The following ITGB2 variants were observed in gnomAD, a reference collection of about 807,000 sequenced individuals.
ITGB2 encodes the protein integrin beta-2.
In ITGB2, 56 loss-of-function variants were observed where a neutral mutation model predicts 86.8. That is an observed-to-expected ratio of 0.65 (90% confidence interval 0.52 to 0.81). The LOEUF is 0.81. Among genes scored for constraint, ITGB2 ranks in the 30% least tolerant of loss-of-function variants. ITGB2 has a pLI of 0.00. For missense variants in ITGB2, 948 were observed against 1,061.2 expected (o/e 0.89, Z 1.48); for synonymous variants, 457 against 450.4 (o/e 1.01, Z -0.19).
At position 44,917,491 on chromosome 21, in the gene ITGB2, G is replaced by A. The variant is rs534797636; in HGVS notation, c.-4+3330C>T. Reference sequence around the variant, plus strand: ...CGAATTATGCTGAAATTGCTCCTTCGGATTCCAAAGCTACTGGCTTTCTTG... The same window carrying A: ...CGAATTATGCTGAAATTGCTCCTTCAGATTCCAAAGCTACTGGCTTTCTTG... On this transcript the variant is annotated intron_variant, in intron 1 of 15. Coordinates refer to ENST00000652462, the MANE Select transcript of ITGB2 (RefSeq NM_000211.5). 2.1e-4 allele frequency among the ~76,000 whole-genome samples: 32 copies of A among 152,274 alleles called. 1 individual carries two copies. In the South Asian group the frequency reaches 3.3e-3, roughly 16 times the overall value.
chr21:44,888,644 C>G lies in ITGB2; in HGVS notation c.2080+49G>C, dbSNP rs376621955. On this transcript the variant is annotated intron_variant, in intron 14 of 15. Transcript: ENST00000652462. ...ACCACCCTCGCCTCTGCGGAGACCC[C>G]GCAGCCGGAGCTCTGGAGCCGGTCC... The G allele has an allele frequency of 1.8e-5, 29 of 1,588,566 alleles. No homozygotes were observed. In the East Asian group the frequency reaches 4.9e-4, roughly 27 times the overall value.
In ITGB2 at chr21:44,900,490, T is replaced by TG. The variant is rs760281688; in HGVS notation, c.742-16dup. On this transcript the variant is annotated splice_polypyrimidine_tract_variant and intron_variant, in intron 6 of 15. Coordinates refer to ENST00000652462, the MANE Select transcript of ITGB2 (RefSeq NM_000211.5). The stretch of plus-strand genomic sequence containing the variant: ...CCGATTTCCTCCTGAGAAGAAGGCG[T>TG]GGGGGGCAGGGTTACCTGCCTCAGT... 4.3e-6 allele frequency: 7 copies of TG among 1,613,036 alleles called. No individual in the cohort carries two copies. In the Admixed American group the frequency reaches 5.0e-5, roughly 12 times the overall value.
At chr21:44,905,075 G>A (rs951920059) in intron 4 of ITGB2, among the ~76,000 whole-genome samples, 3 of 152,188 alleles carry the variant, frequency 2.0e-5, no homozygotes, top group African/African-American at 4.8e-5. Context: ...ATGTCCCCAC[G>A]AGCAATGTGG....
In ITGB2 at chr21:44,886,145, C is replaced by A; in HGVS notation, c.*223G>T. ...TAACCTCACCAACCTCAAGCCCTCCCTCCTCAAGTCTCCATGCAAAGACTG... is the reference window on the plus strand; with the variant it reads ...TAACCTCACCAACCTCAAGCCCTCCATCCTCAAGTCTCCATGCAAAGACTG... On this transcript the variant is annotated 3_prime_UTR_variant, in exon 16 of 16. Transcript: ENST00000652462. The A allele has an allele frequency of 1.7e-6, 1 of 596,150 alleles. No individual in the cohort carries two copies. The highest frequency in any genetic ancestry group is 2.9e-5 in the East Asian group (1 of 34,876). The allele number at this position is 596,150 out of a possible 1,614,324, so 36.9% of individuals were successfully genotyped here.
At chr21:44,916,138 G>A (rs542083794) in intron 1 of ITGB2, among the ~76,000 whole-genome samples, 1 of 152,232 alleles carries the variant, frequency 6.6e-6, no homozygotes, top group Admixed American at 6.5e-5. Context: ...GGCCAGGCTG[G>A]TCTCGAACTC....
chr21:44,894,959 C>G lies in ITGB2; in HGVS notation c.1083+12G>C, dbSNP rs200011031. ...CCCCATGGGTCCCAGCTGAGTGGTG[C>G]GGGAGACTCACATTGTAAGCATTCT... On this transcript the variant is annotated intron_variant, in intron 9 of 15. Transcript: ENST00000652462. 6 of 1,565,854 alleles carry G rather than the reference C, an allele frequency of 3.8e-6. No individual in the cohort carries two copies. Among genetic ancestry groups the G allele is most frequent in the Non-Finnish European group, 5.3e-6 (6 of 1,136,274 alleles).
intron 1 of ITGB2, among the ~76,000 whole-genome samples, chr21:44,919,020 G>GCTGAGCGTCCCCCTCTCCCA (rs58007154): frequency 6.7e-6 from 1 of 149,600 alleles, no homozygotes; most frequent in African/African-American, 2.5e-5. Context: ...AGCACTCGGA[G>GCTGAGCGTCCCCCTCTCCCA]GCACCTGCAG....
upstream of ITGB2, among the ~76,000 whole-genome samples, chr21:44,925,334 G>A (rs114088581): frequency 6.6e-6 from 1 of 150,436 alleles, no homozygotes; most frequent in East Asian, 2.0e-4. Flanking sequence ...GCTATGGTGA[G>A]CCAAGATCAC....
Position 44,903,672 on chromosome 21 carries a change from G to A in ITGB2, c.329-137C>T, listed in dbSNP as rs551489583. The stretch of plus-strand genomic sequence containing the variant: ...AATCCTCCTGACCTCCCCTCTCCCC[G>A]CCTGGCAGGAGAGCTGAGGACCAGA... On this transcript the variant is annotated intron_variant, in intron 4 of 15. Transcript: ENST00000652462. The A allele has an allele frequency of 3.7e-4, 358 of 980,294 alleles. 1 individual carries two copies. The highest frequency in any genetic ancestry group is 1.1e-3 in the Admixed American group (57 of 49,672). 60.7% of individuals were successfully genotyped at this position (980,294 alleles called of 1,614,324 possible).
intron 1 of ITGB2, chr21:44,914,408 G>A (rs1475963158): frequency 2.6e-5 from 4 of 152,390 alleles, no homozygotes; most frequent in Admixed American, 2.0e-4. Flanking sequence ...CCAGGGGGAC[G>A]AGGTCATCCT....
In ITGB2 at chr21:44,915,831, C is replaced by T. The variant is rs943368830; in HGVS notation, c.-4+4990G>A. Among the ~76,000 whole-genome samples the T allele has an allele frequency of 4.6e-5, 7 of 152,180 alleles. No individual in the cohort carries two copies. In the South Asian group the frequency reaches 8.3e-4, roughly 18 times the overall value. On this transcript the variant is annotated intron_variant, in intron 1 of 15. Coordinates refer to ENST00000652462, the MANE Select transcript of ITGB2 (RefSeq NM_000211.5). Reference sequence around the variant, plus strand: ...CCAGCCCATGTCGCCTCTGAACCTGCGACCCTGCAAAAGCGTATTTTCCCA... The same window carrying T: ...CCAGCCCATGTCGCCTCTGAACCTGTGACCCTGCAAAAGCGTATTTTCCCA...
intron 9 of ITGB2, 101 bp downstream of exon 9, chr21:44,894,869 CT>C: frequency 1.1e-6 from 1 of 877,424 alleles, no homozygotes; most frequent in Non-Finnish European, 1.9e-6. Context: ...AGGGGCTTTC[CT>C]CCCAGACCAC....
rs5030627 is a variant in ITGB2, at chr21:44,903,345, CT to C, written c.499+19del. On this transcript the variant is annotated intron_variant, in intron 5 of 15. Coordinates refer to ENST00000652462, the MANE Select transcript of ITGB2 (RefSeq NM_000211.5). Reference sequence around the variant, plus strand: ...GTCTGGGAAAGGACTGGGTTTTGTCCTGCAGTGCCTGGGCCTCACCAATGCG... The same window carrying C: ...GTCTGGGAAAGGACTGGGTTTTGTCCGCAGTGCCTGGGCCTCACCAATGCG... 348 of 1,613,830 alleles carry C rather than the reference CT, an allele frequency of 2.2e-4. No homozygotes were observed. Among genetic ancestry groups the C allele is most frequent in the Non-Finnish European group, 2.7e-4 (324 of 1,179,910 alleles).
intron 8 of ITGB2, among the ~76,000 whole-genome samples, chr21:44,897,125 G>A (rs2083881488): frequency 6.6e-6 from 1 of 152,172 alleles, no homozygotes; most frequent in Admixed American, 6.5e-5. Context: ...CCCATCCCGT[G>A]TCTCCCGCAG....
In ITGB2 at chr21:44,897,037, C is replaced by T. The variant is rs569877761; in HGVS notation, c.994-1977G>A. ...TCTCTGTGGATGTCCGGCCCCAGCC[C>T]TGCCCTGCGCTGACCCACTGTCCCG... On this transcript the variant is annotated intron_variant, in intron 8 of 15. Coordinates refer to ENST00000652462, the MANE Select transcript of ITGB2 (RefSeq NM_000211.5). 2.6e-5 allele frequency among the ~76,000 whole-genome samples: 4 copies of T among 152,298 alleles called. No homozygotes were observed. In the South Asian group the frequency reaches 8.3e-4, roughly 32 times the overall value.
rs766553482 is a variant in ITGB2, at chr21:44,899,127, C to T, written c.933G>A (p.Leu311=). The T allele has an allele frequency of 1.9e-6, 3 of 1,614,200 alleles. No homozygotes were observed. In the South Asian group the frequency reaches 3.3e-5, roughly 18 times the overall value. The part of the protein sequence containing the change: ...YPSVGQLAHK[L]AENNIQPIFA... ...AGATGGGCTGGATGTTGTTTTCAGCCAGCTTGTGCGCCAGCTGGCCCACCG... is the reference window on the plus strand; with the variant it reads ...AGATGGGCTGGATGTTGTTTTCAGCTAGCTTGTGCGCCAGCTGGCCCACCG... The change falls in exon 8 of 16, where the codon CTG becomes CTA. Residue 311 remains leucine, a synonymous_variant. Transcript: ENST00000652462.
chr21:44,917,297 G>A (rs969510602), intron 1 of ITGB2, among the ~76,000 whole-genome samples: 2 of 152,150 alleles, frequency 1.3e-5, no homozygotes, highest in Non-Finnish European at 2.9e-5. Flanking sequence ...CGTGGTAAAA[G>A]TGAATTTATG....
intron 9 of ITGB2, 139 bp downstream of exon 9, chr21:44,894,832 C>G: frequency 1.4e-6 from 1 of 713,920 alleles, no homozygotes; most frequent in Non-Finnish European, 2.5e-6. Context: ...GAGGGCAGGT[C>G]GGGAGGCTGC....
chr21:44,926,552 G>A (rs1182051935), intron 1 of ITGB2, among the ~76,000 whole-genome samples: 1 of 152,208 alleles, frequency 6.6e-6, no homozygotes, highest in Non-Finnish European at 1.5e-5. Flanking sequence ...CAGCCAAGCA[G>A]CCACAGGAAA....
Sources: gnomAD v4.1 joint callset for allele counts (sites outside exome capture counted in the v4.1 genomes callset) on GRCh38, gnomAD v4.1.1 for gene constraint, MANE v1.5 for transcripts, NCBI Gene and HGNC (gene_info 2026-07-23, HGNC 2026-07-21) for gene names.